ZFHX3: variants seen among roughly 807,000 people sequenced by gnomAD.
ZFHX3 encodes the protein zinc finger homeobox 3.
In ZFHX3, 42 loss-of-function variants were observed where a neutral mutation model predicts 279.1. That is an observed-to-expected ratio of 0.15 (90% CI 0.12 to 0.19). The LOEUF is 0.19. Ranked by LOEUF, ZFHX3 falls within the 10% of genes least tolerant of loss-of-function variation. The pLI is 1.00. For missense variants in ZFHX3, 4,981 were observed against 4,754.0 expected, an observed-to-expected ratio of 1.05 and a Z score of -1.40; for synonymous variants, 2,293 against 1,957.8, an observed-to-expected ratio of 1.17 and a Z score of -4.52.
intron 2 of ZFHX3, among the ~76,000 whole-genome samples, chr16:73,582,000 GTGAAC>G (rs1240815015): frequency 6.6e-6 from 1 of 151,786 alleles, no homozygotes; most frequent in Non-Finnish European, 1.5e-5. Context: ...ATTCAAAATC[GTGAAC>G]TGGGTAGGTA....
At chr16:73,888,114 A>T (rs1359056738) in intron 1 of ZFHX3, among the ~76,000 whole-genome samples, 1 of 152,180 alleles carries the variant, frequency 6.6e-6, no homozygotes, top group African/African-American at 2.4e-5. Context: ...TATAAAGCTC[A>T]AATGTCTCTA....
chr16:73,417,491 T>C (rs1160296698), intron 3 of ZFHX3, among the ~76,000 whole-genome samples: 4 of 147,844 alleles, frequency 2.7e-5, no homozygotes, highest in African/African-American at 1.0e-4. Flanking sequence ...CTCAGCCTCC[T>C]GAGTACCTAG....
Position 72,785,487 on chromosome 16 carries a change from GGGAATCTT to G in ZFHX3, c.*1669_*1676del, listed in dbSNP as rs1567502159. On this transcript the variant is annotated 3_prime_UTR_variant, in exon 10 of 10. Coordinates refer to ENST00000268489, the MANE Select transcript of ZFHX3 (RefSeq NM_006885.4). ...TTGCAGAAGAAGCACATAACAACCTGGGAATCTTTTGTTTTTCTCTTTCTTTTATTAAA... is the reference window on the plus strand; with the variant it reads ...TTGCAGAAGAAGCACATAACAACCTGTTGTTTTTCTCTTTCTTTTATTAAA... 6.6e-6 allele frequency: 1 copy of G among 152,566 alleles called. No individual in the cohort carries two copies. The highest frequency in any genetic ancestry group is 1.5e-5 in the Non-Finnish European group (1 of 68,032). 9.5% of individuals were successfully genotyped at this position (152,566 alleles called of 1,614,324 possible).
At chr16:73,297,666 A>C (rs574988508) in intron 4 of ZFHX3, among the ~76,000 whole-genome samples, 1 of 152,102 alleles carries the variant, frequency 6.6e-6, no homozygotes, top group East Asian at 1.9e-4. Context: ...AAGAGAAACA[A>C]GAAGGAGTGT....
intron 1 of ZFHX3, among the ~76,000 whole-genome samples, chr16:73,883,633 AAAAC>A (rs367795934): frequency 3.9e-5 from 6 of 152,150 alleles, no homozygotes; most frequent in African/African-American, 1.4e-4. Flanking sequence ...AAATCACCTG[AAAAC>A]AAACAGACAT....
intron 5 of ZFHX3, among the ~76,000 whole-genome samples, chr16:73,187,865 A>C (rs533867136): frequency 5.9e-5 from 9 of 151,950 alleles, no homozygotes; most frequent in South Asian, 4.2e-4. Context: ...AAAGTTTGGA[A>C]CTTTTTTTTT....
At chr16:73,249,913 T>C (rs1196825853) in intron 5 of ZFHX3, among the ~76,000 whole-genome samples, 1 of 151,672 alleles carries the variant, frequency 6.6e-6, no homozygotes, top group Non-Finnish European at 1.5e-5. Flanking sequence ...CGAGGGACCA[T>C]TCCCGCAACT....
chr16:73,051,284 T>C (rs1420271547), upstream of ZFHX3, among the ~76,000 whole-genome samples: 2 of 152,144 alleles, frequency 1.3e-5, no homozygotes, highest in Non-Finnish European at 2.9e-5. Flanking sequence ...AAAACAAACG[T>C]TCCTGAAATA....
chr16:73,054,513 C>T (rs1379598886), intron 1 of ZFHX3, among the ~76,000 whole-genome samples: 4 of 147,810 alleles, frequency 2.7e-5, no homozygotes, highest in African/African-American at 7.5e-5. Flanking sequence ...TACTCTCATC[C>T]GAAGTTTATA....
intron 1 of ZFHX3, among the ~76,000 whole-genome samples, chr16:73,028,481 T>G (rs1964588461): frequency 6.6e-6 from 1 of 152,110 alleles, no homozygotes; most frequent in Non-Finnish European, 1.5e-5. Flanking sequence ...ACACCGGGTT[T>G]GGGGTTGGTC....
chr16:73,450,227 A>T (rs1289003688), intron 3 of ZFHX3, among the ~76,000 whole-genome samples: 1 of 152,222 alleles, frequency 6.6e-6, no homozygotes, highest in Non-Finnish European at 1.5e-5. Context: ...TTTTCATTAC[A>T]GTCTTCATAA....
chr16:73,805,169 A>C (rs1457203986), intron 1 of ZFHX3, among the ~76,000 whole-genome samples: 1 of 151,658 alleles, frequency 6.6e-6, no homozygotes, highest in African/African-American at 2.4e-5. Flanking sequence ...TTTTATTTTT[A>C]TTATATTTTA....
At chr16:73,346,113 C>A (rs1456236125) in intron 3 of ZFHX3, among the ~76,000 whole-genome samples, 1 of 152,192 alleles carries the variant, frequency 6.6e-6, no homozygotes, top group Non-Finnish European at 1.5e-5. Flanking sequence ...CAGCCCCTCT[C>A]CTGGCTGTGA....
intron 2 of ZFHX3, among the ~76,000 whole-genome samples, chr16:73,649,317 G>A (rs2052649471): frequency 6.6e-6 from 1 of 152,068 alleles, no homozygotes; most frequent in Non-Finnish European, 1.5e-5. Flanking sequence ...TTCTGGCTTT[G>A]GTCTCAATCT....
intron 1 of ZFHX3, among the ~76,000 whole-genome samples, chr16:73,020,317 C>A (rs1964255140): frequency 6.6e-6 from 1 of 152,146 alleles, no homozygotes; most frequent in Non-Finnish European, 1.5e-5. Context: ...TAGCAAACTG[C>A]CCAAGGAAAC....
intron 1 of ZFHX3, among the ~76,000 whole-genome samples, chr16:73,757,230 G>T (rs1024852469): frequency 6.6e-6 from 1 of 152,132 alleles, no homozygotes; most frequent in Non-Finnish European, 1.5e-5. Context: ...AAGAGCAGAA[G>T]TCTGTCTATT....
Position 72,874,725 on chromosome 16 carries a change from C to A in ZFHX3, c.3448+15006G>T, listed in dbSNP as rs114790836. On this transcript the variant is annotated intron_variant, in intron 4 of 9. Transcript: ENST00000268489. ...CCCAGGGTAGACTCAAACTTCTGGGCTCCCAGTATCCTCCTGCCACGGCCT... is the reference window on the plus strand; with the variant it reads ...CCCAGGGTAGACTCAAACTTCTGGGATCCCAGTATCCTCCTGCCACGGCCT... 8.8e-3 allele frequency among the ~76,000 whole-genome samples: 1,330 copies of A among 150,928 alleles called. 19 individuals carry two copies. Among genetic ancestry groups the A allele is most frequent in the African/African-American group, 0.031 (1,268 of 41,048 alleles).
At chr16:73,229,839 A>G (rs1343420352) in intron 5 of ZFHX3, among the ~76,000 whole-genome samples, 3 of 152,214 alleles carry the variant, frequency 2.0e-5, no homozygotes, top group Non-Finnish European at 4.4e-5. Context: ...GAAATTAGGT[A>G]TTATTTACCT....
chr16:73,681,832 G>C (rs1256227625), intron 1 of ZFHX3, among the ~76,000 whole-genome samples: 1 of 152,178 alleles, frequency 6.6e-6, no homozygotes, highest in Non-Finnish European at 1.5e-5. Context: ...TTCTTCCTAA[G>C]ATAAGCCCCT....
Sources: gnomAD v4.1 joint callset for allele counts (sites outside exome capture counted in the v4.1 genomes callset) on GRCh38, gnomAD v4.1.1 for gene constraint, MANE v1.5 for transcripts, NCBI Gene and HGNC (gene_info 2026-07-23, HGNC 2026-07-21) for gene names.